The following MRNIP variants were observed in gnomAD, a reference collection of about 807,000 sequenced individuals.
MRNIP encodes MRN complex interacting protein, also known as MRN complex-interacting protein.
Under a neutral mutation model 29.8 loss-of-function variants are expected in MRNIP, and 30 were observed. The ratio of observed to expected loss-of-function variants is 1.01; its 90% CI spans 0.75 to 1.36. The LOEUF (loss-of-function observed/expected upper bound fraction) is 1.36, where lower values mean the gene tolerates loss of function less well. Among genes scored for constraint, MRNIP ranks in the 40% most tolerant of loss-of-function variants. The probability of loss-of-function intolerance (pLI) is 0.00; values close to 1 mark genes in which losing one functional copy is unlikely to be tolerated. For missense variants in MRNIP, 459 were observed against 423.5 expected (o/e 1.08, Z -0.74); for synonymous variants, 201 against 164.1 (o/e 1.23, Z -1.72).
At chr5:179,850,208 T>C (rs896077585) in intron 2 of MRNIP, among the ~76,000 whole-genome samples, 1 of 151,226 alleles carries the variant, frequency 6.6e-6, no homozygotes, top group African/African-American at 2.4e-5. Flanking sequence ...AAGACGGAAT[T>C]TGAGAGGATG....
chr5:179,840,608 G>T (rs771391987), intron 6 of MRNIP: 41 of 569,092 alleles, frequency 7.2e-5, no homozygotes, highest in Non-Finnish European at 1.2e-4. Context: ...AGGTTGACCT[G>T]CTGGCCAACC....
chr5:179,841,830 C>T, intron 5 of MRNIP, 77 bp downstream of exon 5: 1 of 1,476,658 alleles, frequency 6.8e-7, no homozygotes, highest in Non-Finnish European at 9.2e-7. Flanking sequence ...CTGACGCTCA[C>T]AGTGGCTCAC....
rs185868723 is a variant in MRNIP, at chr5:179,845,444, C to T, written c.216-1217G>A. On this transcript the variant is annotated intron_variant, in intron 3 of 6. Transcript: ENST00000292586. ...GATTACAGGCATGAGCCACTGCACC[C>T]GGCCTGAAATGAATTTTTAATTTCA... 7.2e-5 allele frequency among the ~76,000 whole-genome samples: 11 copies of T among 151,930 alleles called. No individual in the cohort carries two copies. In the East Asian group the frequency reaches 9.7e-4, roughly 13 times the overall value.
rs1206351053 is a variant in MRNIP at position 179,837,389 on chromosome 5, GATCACAC to G, written c.1027_*1del. 1.3e-6 allele frequency: 2 copies of G among 1,588,302 alleles called. No individual in the cohort carries two copies. The highest frequency in any genetic ancestry group is 1.7e-6 in the Non-Finnish European group (2 of 1,165,530). On this transcript the variant is annotated stop_lost and 3_prime_UTR_variant, in exon 7 of 7. Transcript: ENST00000292586. ...CTCGATTAATAACCTGCCAGTCCCAGATCACACATCATCATCGAAGTCTTCCCCAGTT... is the reference window on the plus strand; with the variant it reads ...CTCGATTAATAACCTGCCAGTCCCAGATCATCATCGAAGTCTTCCCCAGTT...
chr5:179,855,454 G>A (rs1019219739), intron 1 of MRNIP, among the ~76,000 whole-genome samples: 5 of 152,064 alleles, frequency 3.3e-5, no homozygotes, highest in Non-Finnish European at 5.9e-5. Context: ...TTTTTTATCC[G>A]AAAACCAACA....
chr5:179,852,313 CA>C (rs1193926165), intron 2 of MRNIP, among the ~76,000 whole-genome samples: 2 of 151,382 alleles, frequency 1.3e-5, no homozygotes, highest in African/African-American at 4.8e-5. Flanking sequence ...CAAAAAACAG[CA>C]ATTTAACTTT....
chr5:179,854,054 TCTG>T (rs1449477252), intron 1 of MRNIP, among the ~76,000 whole-genome samples: 5 of 136,140 alleles, frequency 3.7e-5, no homozygotes, highest in African/African-American at 1.4e-4. Context: ...AGAGTCTGGC[TCTG>T]CTGCCCAGGC....
At position 179,837,491 on chromosome 5, in the gene MRNIP, C is replaced by CA; in HGVS notation, c.931dup (p.Trp311LeufsTer21). On this transcript the variant is annotated frameshift_variant, in exon 7 of 7. Coordinates refer to ENST00000292586, the MANE Select transcript of MRNIP (RefSeq NM_016175.4). LOFTEE classifies it low-confidence loss of function (END_TRUNC). ...CAGGACCAGGGGCCCACCCTCTGCC[C>CA]AGGGAGTCCTTGCGTCCCATGAGGT... is the stretch of plus-strand genomic sequence containing the variant. 6.2e-7 allele frequency: 1 copy of CA among 1,614,136 alleles called. No individual in the cohort carries two copies. The highest frequency in any genetic ancestry group is 1.1e-5 in the South Asian group (1 of 91,080).
rs746108664 is a variant in MRNIP, at chr5:179,858,787, G to C, written c.10C>G (p.Leu4Val). Reference protein sequence around the residue: MASLQRSRVLRCCS... With the variant: MASVQRSRVLRCCS... ...CAGCGTAGCACCCGAGAACGCTGAA[G>C]CGACGCCATCCCTGCTTGTGCAGTC... is the stretch of plus-strand genomic sequence containing the variant. The change falls in exon 1 of 7, where the codon CTT (leucine) becomes GTT (valine). Residue 4 changes from leucine to valine, a missense_variant. Leu to Val is a conservative substitution (Grantham distance 32). Coordinates refer to ENST00000292586, the MANE Select transcript of MRNIP (RefSeq NM_016175.4). The C allele has an allele frequency of 1.3e-6, 2 of 1,540,852 alleles. No homozygotes were observed. The highest frequency in any genetic ancestry group is 1.7e-6 in the Non-Finnish European group (2 of 1,143,980).
At position 179,840,910 on chromosome 5, in the gene MRNIP, C is replaced by CCTGCACGCCACGG. The variant is rs757387484; in HGVS notation, c.486_498dup (p.Asp167ProfsTer10). The CCTGCACGCCACGG allele has an allele frequency of 6.2e-7, 1 of 1,612,214 alleles. No homozygotes were observed. Among genetic ancestry groups the CCTGCACGCCACGG allele is most frequent in the Middle Eastern group, 1.7e-4 (1 of 6,000 alleles). On this transcript the variant is annotated frameshift_variant, in exon 6 of 7. Coordinates refer to ENST00000292586, the MANE Select transcript of MRNIP (RefSeq NM_016175.4). LOFTEE classifies it low-confidence loss of function (END_TRUNC). ...CAGGCGACCTCAGAGCCACCCGAGT[C>CCTGCACGCCACGG]CTGCACGCCACGGCTGCACGGAGGC...
At chr5:179,839,536 C>G (rs1582037340) in intron 6 of MRNIP, 1 of 152,386 alleles carries the variant, frequency 6.6e-6, no homozygotes, top group African/African-American at 2.4e-5. Context: ...GTGGCAGACT[C>G]TCTGGTCATT....
In MRNIP at chr5:179,837,445, G is replaced by A; in HGVS notation, c.978C>T (p.Pro326=). The A allele has an allele frequency of 6.2e-7, 1 of 1,610,484 alleles. No homozygotes were observed. Among genetic ancestry groups the A allele is most frequent in the South Asian group, 1.1e-5 (1 of 90,882 alleles). ...PLVLEAQNPR[P]TRLCDLFITG... is the part of the protein sequence containing the mutation. ...TTATAAAGAGGTCACATAGTCGTGT[G>A]GGTCGAGGATTCTGTGCCTCCAGGA... Residue 326 remains proline (P), a synonymous_variant, in exon 7 of 7, where the codon CCC becomes CCT. Transcript: ENST00000292586.
At chr5:179,842,125 C>T (rs766391881) in intron 4 of MRNIP, 61 bp from the exon 5 acceptor site, 11 of 1,534,102 alleles carry the variant, frequency 7.2e-6, no homozygotes, top group South Asian at 1.2e-5. Context: ...TTATCGAAAA[C>T]CCCTAGCCCA....
intron 5 of MRNIP, 45 bp from the exon 6 acceptor site, chr5:179,841,004 G>T: frequency 7.1e-7 from 1 of 1,400,640 alleles, no homozygotes. Context: ...CTCTCCAGTG[G>T]CACCCCGAGC....
At chr5:179,853,945 C>T (rs1759480468) in intron 1 of MRNIP, among the ~76,000 whole-genome samples, 1 of 151,524 alleles carries the variant, frequency 6.6e-6, no homozygotes, top group Non-Finnish European at 1.5e-5. Context: ...CTCCTGACCT[C>T]AAGTGATCCA....
At chr5:179,853,092 G>C in intron 2 of MRNIP, 1 of 661,650 alleles carries the variant, frequency 1.5e-6, no homozygotes, top group South Asian at 1.8e-5. Context: ...GTGCATCTGT[G>C]AGGGCAAGAA....
chr5:179,843,504 T>A (rs1759000260), intron 4 of MRNIP, among the ~76,000 whole-genome samples: 1 of 152,054 alleles, frequency 6.6e-6, no homozygotes, highest in Non-Finnish European at 1.5e-5. Context: ...CTTTGGGAGC[T>A]GAGGTGGGAA....
In MRNIP at chr5:179,837,406, G is replaced by A. The variant is rs552007127; in HGVS notation, c.1017C>T (p.Phe339=). 66 of 1,592,700 alleles carry A rather than the reference G, an allele frequency of 4.1e-5. No homozygotes were observed. The highest frequency in any genetic ancestry group is 3.7e-4 in the South Asian group (33 of 88,838). The change falls in exon 7 of 7, where the codon TTC becomes TTT. Residue 339 remains phenylalanine, a synonymous_variant. Coordinates refer to ENST00000292586, the MANE Select transcript of MRNIP (RefSeq NM_016175.4). ...LCDLFITGED[F]DDDV is the part of the protein sequence containing the mutation. ...CAGTCCCAGATCACACATCATCATC[G>A]AAGTCTTCCCCAGTTATAAAGAGGT...
In MRNIP at chr5:179,853,424, A is replaced by T; in HGVS notation, c.80T>A (p.Val27Asp). Residue 27 changes from valine to aspartate, a missense_variant, in exon 2 of 7, where the codon GTC becomes GAC. Physicochemically the swap from Val to Asp is radical, Grantham distance 152 (BLOSUM62 -3). Transcript: ENST00000292586. ...TCCACAAGCTTTGCATGTCCACTTG[A>T]CACTCTTTTTTACCTGCAATGAAAT... Reference protein sequence around the residue: ...LFQAHQVKKSVKWTCKACGEK... With the variant: ...LFQAHQVKKSDKWTCKACGEK... The T allele has an allele frequency of 1.2e-6, 2 of 1,611,454 alleles. No individual in the cohort carries two copies. Among genetic ancestry groups the T allele is most frequent in the Non-Finnish European group, 1.7e-6 (2 of 1,179,178 alleles).
Sources: allele counts gnomAD v4.1 joint callset (sites outside exome capture counted in the v4.1 genomes callset), GRCh38; gene constraint gnomAD v4.1.1; transcripts MANE v1.5; gene names NCBI Gene and HGNC (gene_info 2026-07-23, HGNC 2026-07-21).